The following SV2C variants were observed in gnomAD, a reference collection of about 807,000 sequenced individuals.
The protein encoded by SV2C is synaptic vesicle glycoprotein 2C, also known as solute carrier family 22 member B3.
Under a neutral mutation model 79.7 loss-of-function variants are expected in SV2C, and 49 were observed. The ratio of observed to expected loss-of-function variants is 0.61; its 90% confidence interval spans 0.49 to 0.78. SV2C has a LOEUF of 0.78. Ranked by LOEUF, SV2C falls within the 30% of genes least tolerant of loss-of-function variation. The pLI is 0.00. For missense variants in SV2C, 833 were observed against 912.9 expected, an observed-to-expected ratio of 0.91 and a Z score of 1.13; for synonymous variants, 334 against 333.2, an observed-to-expected ratio of 1.00 and a Z score of -0.03.
At chr5:76,209,955 T>C in intron 4 of SV2C, 68 bp downstream of exon 4, 1 of 1,518,022 alleles carries the variant, frequency 6.6e-7, no homozygotes, top group South Asian at 1.2e-5. Flanking sequence ...TCCCATCTTC[T>C]TCCTCTCTTC....
At chr5:76,144,288 T>C (rs1045624445) in intron 2 of SV2C, among the ~76,000 whole-genome samples, 27 of 152,044 alleles carry the variant, frequency 1.8e-4, no homozygotes, top group Non-Finnish European at 5.9e-5. Flanking sequence ...AGCTGACAGC[T>C]GAGAAACTGC....
the SV2C span, among the ~76,000 whole-genome samples, chr5:75,957,164 C>CT: frequency 6.6e-6 from 1 of 151,890 alleles, no homozygotes; most frequent in Non-Finnish European, 1.5e-5. Context: ...TGGGAAAAGC[C>CT]TAGAAGCTCC....
At chr5:75,875,680 C>G in the SV2C span, among the ~76,000 whole-genome samples, 5 of 152,120 alleles carry the variant, frequency 3.3e-5, no homozygotes, top group South Asian at 1.0e-3. Context: ...ATGCATCTGA[C>G]AAAGGTCTAA....
the SV2C span, among the ~76,000 whole-genome samples, chr5:75,865,758 G>T: frequency 6.6e-6 from 1 of 152,326 alleles, no homozygotes; most frequent in Non-Finnish European, 1.5e-5. Flanking sequence ...ATTTCCGTAG[G>T]ACGTTAATGC....
At chr5:75,935,417 A>G in the SV2C span, among the ~76,000 whole-genome samples, 1 of 152,170 alleles carries the variant, frequency 6.6e-6, no homozygotes, top group Non-Finnish European at 1.5e-5. Context: ...TTGACCCAGT[A>G]ATTCCATTTC....
intron 4 of SV2C, among the ~76,000 whole-genome samples, chr5:76,224,560 CT>C (rs1745184904): frequency 6.6e-6 from 1 of 152,142 alleles, no homozygotes; most frequent in South Asian, 2.1e-4. Context: ...TAAAATATTC[CT>C]TGTTTGAGTG....
At chr5:76,120,887 A>T (rs1007319524) in intron 1 of SV2C, among the ~76,000 whole-genome samples, 2 of 151,138 alleles carry the variant, frequency 1.3e-5, no homozygotes, top group Admixed American at 6.6e-5. Context: ...ATACCCAGTA[A>T]TGGGATGGCT....
intron 1 of SV2C, among the ~76,000 whole-genome samples, chr5:76,116,836 A>G (rs1748283550): frequency 6.6e-6 from 1 of 152,182 alleles, no homozygotes; most frequent in Admixed American, 6.5e-5. Context: ...AAGAGCTATG[A>G]GATCTTGGTA....
the SV2C span, among the ~76,000 whole-genome samples, chr5:75,858,835 T>C: frequency 2.6e-5 from 4 of 150,954 alleles, no homozygotes; most frequent in South Asian, 8.3e-4. Flanking sequence ...TGGTAGGTTG[T>C]ATGTGTCTAG....
the SV2C span, among the ~76,000 whole-genome samples, chr5:75,871,826 T>TACACAC: frequency 7.2e-6 from 1 of 138,016 alleles, no homozygotes; most frequent in African/African-American, 3.2e-5. Context: ...AATATATATA[T>TACACAC]ATATATATAC....
chr5:75,923,147 T>C, the SV2C span, among the ~76,000 whole-genome samples: 1 of 152,044 alleles, frequency 6.6e-6, no homozygotes, highest in Non-Finnish European at 1.5e-5. Context: ...CGACAAAGCA[T>C]ACAATAACAT....
At chr5:76,247,607 C>T (rs1745982194) in intron 4 of SV2C, among the ~76,000 whole-genome samples, 1 of 152,182 alleles carries the variant, frequency 6.6e-6, no homozygotes, top group South Asian at 2.1e-4. Context: ...TGTGCATTGG[C>T]ACACAGGAGC....
chr5:76,136,729 A>C (rs1323478057), intron 2 of SV2C, among the ~76,000 whole-genome samples: 1 of 152,218 alleles, frequency 6.6e-6, no homozygotes, highest in Non-Finnish European at 1.5e-5. Flanking sequence ...AAAATAAAAA[A>C]TATAAACAGG....
chr5:75,991,544 G>A, the SV2C span, among the ~76,000 whole-genome samples: 1 of 147,850 alleles, frequency 6.8e-6, no homozygotes, highest in Non-Finnish European at 1.5e-5. Context: ...TACCTTGTAT[G>A]ATTCCAGCAG....
chr5:75,990,065 T>G, the SV2C span, among the ~76,000 whole-genome samples: 1 of 151,938 alleles, frequency 6.6e-6, no homozygotes, highest in African/African-American at 2.4e-5. Flanking sequence ...TGCAAAAATT[T>G]TCTTTCATTC....
intron 1 of SV2C, among the ~76,000 whole-genome samples, chr5:76,127,868 G>A (rs1748761955): frequency 6.6e-6 from 1 of 152,160 alleles, no homozygotes; most frequent in Non-Finnish European, 1.5e-5. Flanking sequence ...TCCTCCTGAA[G>A]CTTGCTCCAC....
the SV2C span, among the ~76,000 whole-genome samples, chr5:75,999,650 G>C: frequency 1.1e-3 from 66 of 62,778 alleles, no homozygotes; most frequent in East Asian, 3.9e-3. Context: ...TCTCTTCTCT[G>C]CCTTTTTTTT....
the SV2C span, among the ~76,000 whole-genome samples, chr5:76,039,803 C>T: frequency 2.0e-5 from 3 of 151,286 alleles, no homozygotes; most frequent in African/African-American, 7.3e-5. Context: ...ATTGAGTCTT[C>T]TAAAGAGTGG....
chr5:76,181,183 T>TC lies in SV2C; in HGVS notation c.581-13734dup, dbSNP rs374610950. The stretch of plus-strand genomic sequence containing the variant: ...GAGTCCATAAATGACAACCAACAGC[T>TC]CCGATCCAACCCTCTGCCTGATTCT... On this transcript the variant is annotated intron_variant, in intron 2 of 12. Coordinates refer to ENST00000502798, the MANE Select transcript of SV2C (RefSeq NM_014979.4). 2.4e-3 allele frequency among the ~76,000 whole-genome samples: 366 copies of TC among 152,148 alleles called. 2 individuals carry two copies. The highest frequency in any genetic ancestry group is 8.6e-3 in the African/African-American group (357 of 41,494).
Sources: gnomAD v4.1 joint callset for allele counts (sites outside exome capture counted in the v4.1 genomes callset) on GRCh38, gnomAD v4.1.1 for gene constraint, MANE v1.5 for transcripts, NCBI Gene and HGNC (gene_info 2026-07-23, HGNC 2026-07-21) for gene names.